Variants in SYNE2 observed in about 807,000 individuals in gnomAD.
SYNE2 encodes spectrin repeat containing nuclear envelope protein 2.
Under a neutral mutation model 856.3 loss-of-function variants are expected in SYNE2, and 431 were observed. The ratio of observed to expected loss-of-function variants is 0.50; its 90% CI spans 0.47 to 0.55. The LOEUF (loss-of-function observed/expected upper bound fraction) is 0.55, where lower values mean the gene tolerates loss of function less well. Ranked by LOEUF, SYNE2 falls within the 20% of genes least tolerant of loss-of-function variation. SYNE2 has a pLI of 0.00. For missense variants in SYNE2, 8,129 were observed against 8,023.2 expected (o/e 1.01, Z -0.50); for synonymous variants, 2,923 against 2,872.3 (o/e 1.02, Z -0.56).
intron 7 of SYNE2, 92 bp from the exon 8 acceptor site, chr14:63,954,627 T>G: frequency 8.3e-7 from 1 of 1,204,696 alleles, no homozygotes; most frequent in Non-Finnish European, 1.2e-6. Context: ...ATTTACTTGA[T>G]TTGCCAAATT....
chr14:64,154,609 A>G (rs1048671080), intron 85 of SYNE2, among the ~76,000 whole-genome samples: 1 of 152,068 alleles, frequency 6.6e-6, no homozygotes, highest in Non-Finnish European at 1.5e-5. Context: ...CCTGGCCAAC[A>G]TGGCAAAACC....
intron 6 of SYNE2, among the ~76,000 whole-genome samples, chr14:63,944,295 TATATATATATATAA>T (rs1555391062): frequency 1.1e-4 from 8 of 69,994 alleles, no homozygotes; most frequent in Admixed American, 1.5e-4. Flanking sequence ...TATATATATA[TATATATATATATAA>T]ATAAATAAAT....
chr14:64,219,254 T>C lies in SYNE2; in HGVS notation c.19704T>C (p.Asn6568=), dbSNP rs778062755. 6 of 1,613,926 alleles carry C rather than the reference T, an allele frequency of 3.7e-6. No individual in the cohort carries two copies. In the South Asian group the frequency reaches 5.5e-5, roughly 15 times the overall value. The part of the protein sequence containing the change: ...WEMIQAQELH[N]KLKIKQNLQQ... ...TGATTCAAGCACAGGAGCTTCACAA[T>C]AAGCTCAAAATAAAACAAAATTTGC... Residue 6568 remains asparagine (N), a synonymous_variant, in exon 110 of 116, where the codon AAT becomes AAC. Transcript: ENST00000555002.
At chr14:63,829,261 T>A (rs557172498) in intron 1 of SYNE2, among the ~76,000 whole-genome samples, 1 of 151,892 alleles carries the variant, frequency 6.6e-6, no homozygotes, top group East Asian at 1.9e-4. Flanking sequence ...AAAAAAGTTT[T>A]AAAAAACGAG....
chr14:63,803,121 T>A (rs544163305), intron 1 of SYNE2, among the ~76,000 whole-genome samples: 1 of 152,306 alleles, frequency 6.6e-6, no homozygotes, highest in East Asian at 1.9e-4. Context: ...GTCAGGGTGC[T>A]GATTGGTGCG....
At chr14:64,220,678 A>G (rs2098690197) in intron 111 of SYNE2, 41 bp downstream of exon 111, 1 of 1,607,234 alleles carries the variant, frequency 6.2e-7, no homozygotes, top group South Asian at 1.1e-5. Flanking sequence ...GCCGGTACCC[A>G]GGCCCACGTG....
intron 1 of SYNE2, among the ~76,000 whole-genome samples, chr14:63,826,009 C>T (rs1045722257): frequency 1.3e-5 from 2 of 152,106 alleles, no homozygotes; most frequent in African/African-American, 2.4e-5. Flanking sequence ...GCTGTAAAAC[C>T]TCAGCTGCCA....
intron 66 of SYNE2, among the ~76,000 whole-genome samples, chr14:64,115,340 G>A (rs922190212): frequency 7.2e-5 from 11 of 152,116 alleles, no homozygotes; most frequent in African/African-American, 2.7e-4. Context: ...CCTTCCAGAG[G>A]CTAAGGCATA....
intron 64 of SYNE2, among the ~76,000 whole-genome samples, chr14:64,107,117 A>AG (rs1214169982): frequency 6.6e-6 from 1 of 152,174 alleles, no homozygotes; most frequent in Non-Finnish European, 1.5e-5. Flanking sequence ...GGTCTTCCAA[A>AG]GTGCTGGGAT....
chr14:63,772,168 G>T (rs1886943155), intron 1 of SYNE2, among the ~76,000 whole-genome samples: 1 of 151,986 alleles, frequency 6.6e-6, no homozygotes, highest in African/African-American at 2.4e-5. Context: ...AGTGTGGGCA[G>T]CATGGTGAAA....
intron 80 of SYNE2, 99 bp from the exon 81 acceptor site, chr14:64,141,242 A>G (rs1308638000): frequency 9.5e-6 from 9 of 947,878 alleles, no homozygotes; most frequent in Non-Finnish European, 1.3e-5. Context: ...ACATTCGTAT[A>G]TTTACTATGT....
chr14:63,909,185 C>A lies in SYNE2; in HGVS notation c.37C>A (p.Gln13Lys), dbSNP rs537816441. Residue 13 changes from glutamine to lysine, a missense_variant, in exon 2 of 116, where the codon CAG becomes AAG. Transcript: ENST00000555002. ...SSPELPTEDEQGSWGIDDLHI... is the reference protein window; with the variant it reads ...SSPELPTEDEKGSWGIDDLHI... ...TCCTGAGCTTCCCACCGAAGATGAA[C>A]AGGGTTCCTGGGGCATCGACGATCT... 1 of 1,613,320 alleles carries A rather than the reference C, an allele frequency of 6.2e-7. No individual in the cohort carries two copies. The highest frequency in any genetic ancestry group is 1.3e-5 in the African/African-American group (1 of 74,848).
intron 1 of SYNE2, among the ~76,000 whole-genome samples, chr14:63,854,163 CTT>C (rs35131482): frequency 4.3e-5 from 6 of 139,254 alleles, no homozygotes; most frequent in East Asian, 2.1e-4. Context: ...CTTGGCATCA[CTT>C]TTTTTTTTTT....
chr14:63,855,461 C>T (rs1349245110), intron 1 of SYNE2, among the ~76,000 whole-genome samples: 1 of 152,160 alleles, frequency 6.6e-6, no homozygotes, highest in Non-Finnish European at 1.5e-5. Flanking sequence ...CTCCTCCCTA[C>T]TCGAGTGTCT....
intron 10 of SYNE2, among the ~76,000 whole-genome samples, chr14:63,964,602 G>T (rs367889772): frequency 6.6e-6 from 1 of 151,932 alleles, no homozygotes; most frequent in African/African-American, 2.4e-5. Flanking sequence ...TTGGCTCACC[G>T]CAGCCGCCAC....
chr14:63,977,297 C>T lies in SYNE2; in HGVS notation c.1293+570C>T, dbSNP rs552051110. Among the ~76,000 whole-genome samples, 3 of 152,166 alleles carry T rather than the reference C, an allele frequency of 2.0e-5. 1 individual carries two copies. The East Asian group carries it at 5.8e-4, about 29-fold the overall frequency. On this transcript the variant is annotated intron_variant, in intron 12 of 115. Coordinates refer to ENST00000555002, the MANE Select transcript of SYNE2 (RefSeq NM_182914.3). ...GCGCGATCTTGGCTCACTGCAAGCA[C>T]CGCCTCCTGGGTTCACACCATTCTC...
At chr14:64,205,437 TAAAAA>T (rs34208423) in intron 100 of SYNE2, among the ~76,000 whole-genome samples, 1 of 152,110 alleles carries the variant, frequency 6.6e-6, no homozygotes, top group Admixed American at 6.5e-5. Context: ...TGGTCTGGGT[TAAAAA>T]AACAACCACC....
At chr14:64,022,662 G>A (rs1216561937) in intron 37 of SYNE2, 89 bp from the exon 38 acceptor site, 2 of 761,314 alleles carry the variant, frequency 2.6e-6, no homozygotes, top group Non-Finnish European at 4.7e-6. Context: ...TATATCTATG[G>A]CATGGGAAAC....
Position 64,223,345 on chromosome 14 carries a change from G to T in SYNE2, c.20347G>T (p.Val6783Leu). The T allele has an allele frequency of 6.2e-7, 1 of 1,614,154 alleles. No individual in the cohort carries two copies. Among genetic ancestry groups the T allele is most frequent in the Non-Finnish European group, 8.5e-7 (1 of 1,180,012 alleles). The change falls in exon 113 of 116, where the codon GTG becomes TTG. Residue 6783 changes from valine to leucine, a missense_variant. This residue lies in a region of SYNE2 where 5,410 missense variants were observed against 5,284.8 expected (regional missense o/e 1.02). Transcript: ENST00000555002. ...EKKLKQLREQ[V>L]SQDLMALQGT... Reference sequence around the variant, plus strand: ...GAAACTCAAACAGTTACGGGAGCAAGTGTCCCAAGATTTAATGGCCTTGCA... The same window carrying T: ...GAAACTCAAACAGTTACGGGAGCAATTGTCCCAAGATTTAATGGCCTTGCA...
Sources: allele counts gnomAD v4.1 joint callset (sites outside exome capture counted in the v4.1 genomes callset), GRCh38; gene constraint gnomAD v4.1.1; regional missense constraint gnomAD v4.1.1; transcripts MANE v1.5; gene names NCBI Gene and HGNC (gene_info 2026-07-23, HGNC 2026-07-21).